NRCAM: variants seen among roughly 807,000 people sequenced by gnomAD.
The protein encoded by NRCAM is NgCAM-related cell adhesion molecule.
NRCAM carries 83 observed loss-of-function variants against 156.5 expected under a neutral mutation model. That is an observed-to-expected ratio of 0.53 (90% CI 0.44 to 0.64). The LOEUF (loss-of-function observed/expected upper bound fraction) is 0.64, where lower values mean the gene tolerates loss of function less well. Ranked by LOEUF, NRCAM falls within the 30% of genes least tolerant of loss-of-function variation. NRCAM has a pLI of 0.00. For missense variants in NRCAM, 1,417 were observed against 1,597.3 expected, an observed-to-expected ratio of 0.89 and a Z score of 1.92; for synonymous variants, 538 against 563.9, an observed-to-expected ratio of 0.95 and a Z score of 0.65.
At chr7:108,286,653 C>T (rs73201515) in intron 3 of NRCAM, among the ~76,000 whole-genome samples, 5,552 of 152,124 alleles carry the variant, frequency 0.036, 164 homozygotes, top group South Asian at 0.11. Context: ...GTTTCCCCTC[C>T]CATTTTGCAG....
At chr7:108,179,380 A>G (rs891144383) in intron 25 of NRCAM, among the ~76,000 whole-genome samples, 3 of 152,206 alleles carry the variant, frequency 2.0e-5, no homozygotes, top group African/African-American at 7.2e-5. Flanking sequence ...TGCATCATGA[A>G]TCTTTCAATC....
intron 3 of NRCAM, among the ~76,000 whole-genome samples, chr7:108,258,730 G>A (rs1381544348): frequency 2.0e-5 from 3 of 152,166 alleles, no homozygotes; most frequent in African/African-American, 4.8e-5. Context: ...TGAGCATAGC[G>A]ATGTGGCAGG....
chr7:108,431,828 C>T (rs1362325746), intron 1 of NRCAM, among the ~76,000 whole-genome samples: 4 of 152,068 alleles, frequency 2.6e-5, no homozygotes, highest in Non-Finnish European at 5.9e-5. Context: ...AAAAGCATAA[C>T]CCAAAATGGG....
intron 1 of NRCAM, among the ~76,000 whole-genome samples, chr7:108,451,451 T>A (rs1354576404): frequency 6.6e-6 from 1 of 152,232 alleles, no homozygotes; most frequent in Non-Finnish European, 1.5e-5. Context: ...CAGTCTCATT[T>A]CTGGGTATAT....
intron 2 of NRCAM, among the ~76,000 whole-genome samples, chr7:108,352,640 C>T (rs748631291): frequency 1.3e-5 from 2 of 152,094 alleles, no homozygotes; most frequent in South Asian, 2.1e-4. Context: ...AAAATTGTTA[C>T]GACAATGTTT....
chr7:108,214,397 G>A (rs931935279), intron 11 of NRCAM, among the ~76,000 whole-genome samples: 2 of 152,142 alleles, frequency 1.3e-5, no homozygotes, highest in Non-Finnish European at 2.9e-5. Flanking sequence ...GGTGTTTATA[G>A]TATTCTCTAT....
intron 3 of NRCAM, among the ~76,000 whole-genome samples, chr7:108,249,490 G>A (rs974791997): frequency 6.6e-6 from 1 of 152,140 alleles, no homozygotes; most frequent in Non-Finnish European, 1.5e-5. Flanking sequence ...TCTTTATACA[G>A]GCTATGTGAA....
At position 108,176,716 on chromosome 7, in the gene NRCAM, T is replaced by C. The variant is rs2153222770; in HGVS notation, c.2975-110A>G. 6.4e-6 allele frequency: 5 copies of C among 780,296 alleles called. No individual in the cohort carries two copies. In the South Asian group the frequency reaches 9.2e-5, roughly 14 times the overall value. 48.3% of individuals were successfully genotyped at this position (780,296 alleles called of 1,614,324 possible). A position where few individuals can be genotyped will look rare whatever the true frequency, so the allele number is the denominator to read the frequency against. On this transcript the variant is annotated intron_variant, in intron 26 of 32. Transcript: ENST00000379028. ...GTTCAACCTGGCTTACATTGACTTTTATAATCCCACTCACTCTTTCCCCAG... is the reference window on the plus strand; with the variant it reads ...GTTCAACCTGGCTTACATTGACTTTCATAATCCCACTCACTCTTTCCCCAG...
At chr7:108,244,443 A>C (rs1002559662) in intron 3 of NRCAM, among the ~76,000 whole-genome samples, 3 of 152,128 alleles carry the variant, frequency 2.0e-5, no homozygotes, top group African/African-American at 4.8e-5. Context: ...TTATATTTTA[A>C]ATATTTATCT....
intron 3 of NRCAM, among the ~76,000 whole-genome samples, chr7:108,264,761 C>T (rs1226892555): frequency 6.6e-6 from 1 of 152,188 alleles, no homozygotes; most frequent in Non-Finnish European, 1.5e-5. Flanking sequence ...TTCTCCTAAC[C>T]AGAAATCAGA....
chr7:108,176,291 A>G (rs1365801721), intron 27 of NRCAM, 139 bp downstream of exon 27: 1 of 712,906 alleles, frequency 1.4e-6, no homozygotes, highest in Admixed American at 2.7e-5. Context: ...ATTATATATC[A>G]GAATGAGAAA....
chr7:108,420,896 A>T (rs1808687397), intron 1 of NRCAM, among the ~76,000 whole-genome samples: 1 of 152,224 alleles, frequency 6.6e-6, no homozygotes, highest in Non-Finnish European at 1.5e-5. Flanking sequence ...CACAGAAGGA[A>T]ATGTAGAATG....
intron 1 of NRCAM, among the ~76,000 whole-genome samples, chr7:108,445,197 T>C (rs1842917925): frequency 6.6e-6 from 1 of 152,218 alleles, no homozygotes; most frequent in African/African-American, 2.4e-5. Flanking sequence ...TACAATTAGA[T>C]TTATGGACAT....
chr7:108,314,599 T>C (rs1348086181), intron 2 of NRCAM, among the ~76,000 whole-genome samples: 1 of 152,210 alleles, frequency 6.6e-6, no homozygotes, highest in African/African-American at 2.4e-5. Context: ...AGTAATTCAA[T>C]AGCATATAAC....
At chr7:108,209,636 A>G in intron 11 of NRCAM, 31 bp from the exon 12 acceptor site, 1 of 1,496,646 alleles carries the variant, frequency 6.7e-7, no homozygotes, top group African/African-American at 1.4e-5. Flanking sequence ...TGATGTTACA[A>G]AAAAGGAATC....
At chr7:108,407,973 C>T (rs955523514) in intron 1 of NRCAM, among the ~76,000 whole-genome samples, 3 of 152,120 alleles carry the variant, frequency 2.0e-5, no homozygotes, top group Admixed American at 1.3e-4. Context: ...AATGTGAAGC[C>T]AAGAACTATT....
chr7:108,449,052 CAG>C (rs753324442), intron 1 of NRCAM, among the ~76,000 whole-genome samples: 7 of 152,224 alleles, frequency 4.6e-5, no homozygotes, highest in African/African-American at 7.2e-5. Flanking sequence ...GCGCCAGACA[CAG>C]GGGCCTCCCC....
chr7:108,261,928 C>T (rs2096902657), intron 3 of NRCAM, among the ~76,000 whole-genome samples: 1 of 152,158 alleles, frequency 6.6e-6, no homozygotes, highest in Non-Finnish European at 1.5e-5. Flanking sequence ...TCCATTTCAT[C>T]CCCTGGCAGA....
chr7:108,263,511 G>C (rs1363808272), intron 3 of NRCAM, among the ~76,000 whole-genome samples: 1 of 152,244 alleles, frequency 6.6e-6, no homozygotes, highest in Non-Finnish European at 1.5e-5. Flanking sequence ...TGCTGAAACA[G>C]GGCCTGCCTG....
Sources: allele counts gnomAD v4.1 joint callset (sites outside exome capture counted in the v4.1 genomes callset), GRCh38; gene constraint gnomAD v4.1.1; transcripts MANE v1.5; gene names NCBI Gene and HGNC (gene_info 2026-07-23, HGNC 2026-07-21).